NRXN3: variants seen among roughly 807,000 people sequenced by gnomAD.
NRXN3 encodes the protein neurexin 3.
Under a neutral mutation model 137.6 loss-of-function variants are expected in NRXN3, and 32 were observed. The ratio of observed to expected loss-of-function variants is 0.23; its 90% confidence interval spans 0.18 to 0.31. The LOEUF (loss-of-function observed/expected upper bound fraction) is 0.31. Ranked by LOEUF, NRXN3 falls within the 10% of genes least tolerant of loss-of-function variation. NRXN3 has a pLI of 1.00. For synonymous variants in NRXN3, 798 were observed against 784.5 expected (o/e 1.02, Z -0.29); for missense variants, 1,574 against 2,062.5 (o/e 0.76, Z 4.59).
At chr14:78,995,225 A>C (rs957313718) in intron 15 of NRXN3, among the ~76,000 whole-genome samples, 15 of 152,212 alleles carry the variant, frequency 9.9e-5, no homozygotes, top group Non-Finnish European at 1.9e-4. Flanking sequence ...AGAACATTTC[A>C]GGTCTTCCTT....
intron 15 of NRXN3, among the ~76,000 whole-genome samples, chr14:79,240,679 T>G (rs185754632): frequency 1.5e-3 from 229 of 152,304 alleles, no homozygotes; most frequent in African/African-American, 5.2e-3. Context: ...CTTGTCTTTG[T>G]GCTCCCCTAC....
At chr14:78,572,537 A>G (rs1230690586) in intron 4 of NRXN3, among the ~76,000 whole-genome samples, 3 of 152,240 alleles carry the variant, frequency 2.0e-5, no homozygotes, top group Non-Finnish European at 1.5e-5. Flanking sequence ...CCAATCCAGA[A>G]GCACTCTATA....
At chr14:79,179,943 G>A (rs2062742798) in intron 15 of NRXN3, among the ~76,000 whole-genome samples, 1 of 152,144 alleles carries the variant, frequency 6.6e-6, no homozygotes, top group African/African-American at 2.4e-5. Context: ...CTCAATCAGT[G>A]CCCCTGGCCA....
In NRXN3 at chr14:79,751,885, C is replaced by T. The variant is rs28833841; in HGVS notation, c.4015-53227C>T. 1.7e-3 allele frequency among the ~76,000 whole-genome samples: 259 copies of T among 151,690 alleles called. 1 individual carries two copies. The highest frequency in any genetic ancestry group is 6.2e-3 in the African/African-American group (253 of 41,102). On this transcript the variant is annotated intron_variant, in intron 19 of 20. Coordinates refer to ENST00000335750, the MANE Select transcript of NRXN3 (RefSeq NM_001330195.2). The stretch of plus-strand genomic sequence containing the variant: ...ATGCTGGATTACATTGATTGATTTG[C>T]ATATATTGAACCAGCCTTGCATCCC...
At chr14:78,630,539 A>T (rs1160199657) in intron 4 of NRXN3, among the ~76,000 whole-genome samples, 1 of 151,690 alleles carries the variant, frequency 6.6e-6, no homozygotes, top group Non-Finnish European at 1.5e-5. Flanking sequence ...TGCACAGTGC[A>T]TAAATTTAGC....
At chr14:79,821,333 A>C (rs2099271767) in intron 20 of NRXN3, among the ~76,000 whole-genome samples, 1 of 152,188 alleles carries the variant, frequency 6.6e-6, no homozygotes, top group Admixed American at 6.5e-5. Flanking sequence ...CTCTGTCCCC[A>C]GGGGCCAGCT....
chr14:78,771,026 C>T (rs1378011057), intron 8 of NRXN3, among the ~76,000 whole-genome samples: 2 of 152,174 alleles, frequency 1.3e-5, no homozygotes, highest in African/African-American at 4.8e-5. Context: ...TGGTTCCATG[C>T]TGTTGTTAAT....
In NRXN3 at chr14:78,350,289, C is replaced by CA. The variant is rs35583372; in HGVS notation, c.757+52444dup. ...GGACAACAAGAGCGGAACTTCATCT[C>CA]AAAAAAAAAAAAAAATTGTTAGAAA... is the stretch of plus-strand genomic sequence containing the variant. On this transcript the variant is annotated intron_variant, in intron 4 of 20. Coordinates refer to ENST00000335750, the MANE Select transcript of NRXN3 (RefSeq NM_001330195.2). Among the ~76,000 whole-genome samples, 1,139 of 137,280 alleles carry CA rather than the reference C, an allele frequency of 8.3e-3. 9 individuals are homozygous for CA. The highest frequency in any genetic ancestry group is 0.026 in the African/African-American group (926 of 35,734). 90.1% of individuals were successfully genotyped at this position (137,280 alleles called of 152,430 possible).
intron 19 of NRXN3, among the ~76,000 whole-genome samples, chr14:79,731,395 C>A (rs1223028667): frequency 6.6e-6 from 1 of 152,168 alleles, no homozygotes; most frequent in Non-Finnish European, 1.5e-5. Flanking sequence ...GAGCATCATG[C>A]AAAATGGTAA....
chr14:78,811,801 G>A (rs2098914445), intron 10 of NRXN3, among the ~76,000 whole-genome samples: 1 of 152,076 alleles, frequency 6.6e-6, no homozygotes, highest in African/African-American at 2.4e-5. Flanking sequence ...TTAAAATATC[G>A]ATATAAGCAA....
At chr14:78,219,188 C>T (rs1345289251) in intron 1 of NRXN3, among the ~76,000 whole-genome samples, 2 of 152,102 alleles carry the variant, frequency 1.3e-5, no homozygotes, top group Non-Finnish European at 2.9e-5. Flanking sequence ...CCCAACAATT[C>T]CTGTCCAATA....
intron 19 of NRXN3, among the ~76,000 whole-genome samples, chr14:79,770,576 C>T (rs541455617): frequency 1.7e-4 from 25 of 149,226 alleles, no homozygotes; most frequent in South Asian, 8.7e-4. Flanking sequence ...TTGAAACCAA[C>T]GAGAACAAAG....
At position 79,494,836 on chromosome 14, in the gene NRXN3, A is replaced by T. The variant is rs947182705; in HGVS notation, c.3444+27434A>T. ...CAATACAATTTGCTCAGATAATCCC[A>T]GTTTTTCCACTACTGTCCTTTGTAT... On this transcript the variant is annotated intron_variant, in intron 16 of 20. Coordinates refer to ENST00000335750, the MANE Select transcript of NRXN3 (RefSeq NM_001330195.2). Among the ~76,000 whole-genome samples, 9 of 152,292 alleles carry T rather than the reference A, an allele frequency of 5.9e-5. No individual in the cohort carries two copies. In the East Asian group the frequency reaches 1.5e-3, roughly 26 times the overall value.
intron 15 of NRXN3, among the ~76,000 whole-genome samples, chr14:79,428,152 G>C (rs138964284): frequency 6.6e-6 from 1 of 152,024 alleles, no homozygotes; most frequent in Non-Finnish European, 1.5e-5. Context: ...ATCTTCATTC[G>C]CTCCTTCATG....
At chr14:79,576,484 G>A (rs1417483621) in intron 16 of NRXN3, among the ~76,000 whole-genome samples, 1 of 152,166 alleles carries the variant, frequency 6.6e-6, no homozygotes, top group East Asian at 1.9e-4. Context: ...ACTGCTAAAT[G>A]TTAAGTGATT....
intron 16 of NRXN3, among the ~76,000 whole-genome samples, chr14:79,522,887 AGCTATAT>A (rs927311429): frequency 7.4e-4 from 112 of 152,306 alleles, no homozygotes; most frequent in African/African-American, 2.6e-3. Context: ...ATCTTCAGTC[AGCTATAT>A]GCAAAATAGG....
At chr14:78,748,714 A>G (rs542254016) in intron 8 of NRXN3, among the ~76,000 whole-genome samples, 6 of 152,308 alleles carry the variant, frequency 3.9e-5, no homozygotes, top group African/African-American at 1.4e-4. Flanking sequence ...ATTGAGCTAT[A>G]GAGGAAGAGG....
At chr14:79,177,875 G>A (rs532324352) in intron 15 of NRXN3, among the ~76,000 whole-genome samples, 1 of 152,302 alleles carries the variant, frequency 6.6e-6, no homozygotes, top group Admixed American at 6.5e-5. Flanking sequence ...TAAAATGAGT[G>A]TGAATATAAA....
At chr14:79,732,152 A>T (rs918371270) in intron 19 of NRXN3, among the ~76,000 whole-genome samples, 4 of 152,104 alleles carry the variant, frequency 2.6e-5, no homozygotes. Context: ...TTTAAGAGAC[A>T]TGGAGAACAC....
Sources: allele counts gnomAD v4.1 joint callset (sites outside exome capture counted in the v4.1 genomes callset), GRCh38; gene constraint gnomAD v4.1.1; transcripts MANE v1.5; gene names NCBI Gene and HGNC (gene_info 2026-07-23, HGNC 2026-07-21).